Variants in PCDHA5 observed in about 807,000 individuals in gnomAD.
PCDHA5 encodes the protein protocadherin alpha 5, also known as protocadherin alpha-5.
Under a neutral mutation model 61.6 loss-of-function variants are expected in PCDHA5, and 43 were observed. The ratio of observed to expected loss-of-function variants is 0.70; its 90% CI spans 0.55 to 0.90. The LOEUF (loss-of-function observed/expected upper bound fraction) is 0.90. PCDHA5 is among the 40% of genes least tolerant of loss of function. The probability of loss-of-function intolerance (pLI) is 0.00; values close to 1 mark genes in which losing one functional copy is unlikely to be tolerated. For missense variants in PCDHA5, 1,298 were observed against 1,222.7 expected (o/e 1.06, Z -0.92); for synonymous variants, 627 against 543.9 (o/e 1.15, Z -2.13).
At chr5:140,884,446 G>C in intron 1 of PCDHA5, 1 of 1,613,770 alleles carries the variant, frequency 6.2e-7, no homozygotes, top group Non-Finnish European at 8.5e-7. Context: ...GCTCGGCACC[G>C]CCCACCGAGG....
At chr5:140,993,460 TCTCACACACACACA>T (rs1441171729) in intron 3 of PCDHA5, among the ~76,000 whole-genome samples, 1 of 104,506 alleles carries the variant, frequency 9.6e-6, no homozygotes, top group Non-Finnish European at 1.9e-5. Flanking sequence ...CTTCTTTCTT[TCTCACACACACACA>T]CACACACACA....
chr5:140,857,394 A>G, intron 1 of PCDHA5: 1 of 1,598,398 alleles, frequency 6.3e-7, no homozygotes, highest in Non-Finnish European at 8.6e-7. Flanking sequence ...GACGTGAACG[A>G]CAACGCGCCT....
rs573889445 is a variant in PCDHA5 at position 140,855,681 on chromosome 5, A to G, written c.2352+31554A>G. ...AGAAATCACTACTCTGAGAGTCTAC[A>G]TTTAAGAAAACATTGCACGTGGGAT... On this transcript the variant is annotated intron_variant, in intron 1 of 3. Coordinates refer to ENST00000529859, the MANE Select transcript of PCDHA5 (RefSeq NM_018908.3). Among the ~76,000 whole-genome samples the G allele has an allele frequency of 1.4e-4, 21 of 149,936 alleles. 1 individual carries two copies. The highest frequency in any genetic ancestry group is 5.1e-4 in the African/African-American group (21 of 40,902).
At chr5:140,830,063 G>A (rs1554132505) in intron 1 of PCDHA5, 1 of 1,613,704 alleles carries the variant, frequency 6.2e-7, no homozygotes, top group Non-Finnish European at 8.5e-7. Context: ...CGGTGAGCCG[G>A]CGCTGACAGC....
intron 2 of PCDHA5, among the ~76,000 whole-genome samples, chr5:140,980,947 G>T (rs1430215851): frequency 6.6e-6 from 1 of 152,032 alleles, no homozygotes; most frequent in Non-Finnish European, 1.5e-5. Context: ...GCTGGCTCCA[G>T]GATAGTTACA....
chr5:140,876,180 T>C (rs782772220), intron 1 of PCDHA5: 1 of 1,613,982 alleles, frequency 6.2e-7, no homozygotes, highest in South Asian at 1.1e-5. Context: ...TGGATGTGAA[T>C]GACAATGGTC....
In PCDHA5 at chr5:141,010,735, T is replaced by G. The variant is rs192374006; in HGVS notation, c.*798T>G. On this transcript the variant is annotated 3_prime_UTR_variant, in exon 4 of 4. Coordinates refer to ENST00000529859, the MANE Select transcript of PCDHA5 (RefSeq NM_018908.3). ...GTGCTCACTTTATTAAAAATTCTTT[T>G]GCACACAATGTTTATGAAAAGGCCA... The G allele has an allele frequency of 6.5e-6, 1 of 154,174 alleles. No individual in the cohort carries two copies. The highest frequency in any genetic ancestry group is 1.5e-5 in the Non-Finnish European group (1 of 68,224). 9.6% of individuals were successfully genotyped at this position (154,174 alleles called of 1,614,324 possible). A position where few individuals can be genotyped will look rare whatever the true frequency, so the allele number is the denominator to read the frequency against.
At chr5:140,997,329 T>C (rs1030113015) in intron 3 of PCDHA5, among the ~76,000 whole-genome samples, 1 of 152,228 alleles carries the variant, frequency 6.6e-6, no homozygotes, top group African/African-American at 2.4e-5. Context: ...AGTTTTTTCG[T>C]TGTACAAATA....
chr5:140,899,534 T>A (rs2067388979), intron 1 of PCDHA5, among the ~76,000 whole-genome samples: 1 of 152,234 alleles, frequency 6.6e-6, no homozygotes, highest in Non-Finnish European at 1.5e-5. Context: ...TGAAGCCCAC[T>A]TGATCATGGT....
At chr5:140,989,363 T>A (rs2097339689) in intron 3 of PCDHA5, among the ~76,000 whole-genome samples, 1 of 152,158 alleles carries the variant, frequency 6.6e-6, no homozygotes, top group Non-Finnish European at 1.5e-5. Flanking sequence ...GTCACCTGTG[T>A]GACTGAGAGC....
chr5:140,842,542 G>A (rs1432404802), intron 1 of PCDHA5: 6 of 1,608,260 alleles, frequency 3.7e-6, no homozygotes, highest in African/African-American at 1.3e-5. Flanking sequence ...ACTACTCGTT[G>A]GTGCTGGACA....
intron 1 of PCDHA5, chr5:140,856,054 T>G: frequency 6.3e-7 from 1 of 1,586,304 alleles, no homozygotes; most frequent in Non-Finnish European, 8.6e-7. Flanking sequence ...ATAAGATGGT[T>G]TCCAGATGTA....
rs2150240382 is a variant in PCDHA5, at chr5:140,835,640, C to A, written c.2352+11513C>A. On this transcript the variant is annotated intron_variant, in intron 1 of 3. Transcript: ENST00000529859. ...GCGCTCTGGACCGCGAGAGTGTGTC[C>A]GCCTATGAGCTGGTGGTTACCGCGC... The A allele has an allele frequency of 2.4e-5, 38 of 1,613,888 alleles. 2 individuals are homozygous for A. The highest frequency in any genetic ancestry group is 3.2e-5 in the Non-Finnish European group (38 of 1,179,872).
intron 3 of PCDHA5, among the ~76,000 whole-genome samples, chr5:141,001,404 T>A (rs965496882): frequency 1.3e-4 from 20 of 152,072 alleles, no homozygotes; most frequent in African/African-American, 4.8e-4. Context: ...GAACAGGGAG[T>A]ATATTTTTAC....
At chr5:140,969,535 T>C (rs1221394283) in intron 1 of PCDHA5, 27 of 1,341,822 alleles carry the variant, frequency 2.0e-5, no homozygotes, top group Non-Finnish European at 2.5e-5. Flanking sequence ...TTTTTCATTT[T>C]CAGAGGCATG....
intron 1 of PCDHA5, among the ~76,000 whole-genome samples, chr5:140,902,728 C>T (rs1280424808): frequency 6.6e-6 from 1 of 151,858 alleles, no homozygotes; most frequent in Non-Finnish European, 1.5e-5. Flanking sequence ...ACCCTTCCCT[C>T]CAAGTCCCCC....
chr5:140,922,272 G>A (rs547313117), intron 1 of PCDHA5, among the ~76,000 whole-genome samples: 37 of 152,312 alleles, frequency 2.4e-4, no homozygotes, highest in African/African-American at 8.7e-4. Flanking sequence ...ATGAAGATTG[G>A]ACCAAGATAT....
intron 1 of PCDHA5, chr5:140,882,142 G>T: frequency 1.3e-6 from 2 of 1,488,266 alleles, no homozygotes; most frequent in Non-Finnish European, 1.8e-6. Flanking sequence ...AGAAAATATA[G>T]CAGAAAGCGG....
In PCDHA5 at chr5:140,857,002, T is replaced by G. The variant is rs1215860604; in HGVS notation, c.2352+32875T>G. On this transcript the variant is annotated intron_variant, in intron 1 of 3. Transcript: ENST00000529859. ...AGGACAGTAACACTTATGAAATTCATGTAGATGTTACAGATAAGGGAAACC... is the reference window on the plus strand; with the variant it reads ...AGGACAGTAACACTTATGAAATTCAGGTAGATGTTACAGATAAGGGAAACC... 4 of 1,595,276 alleles carry G rather than the reference T, an allele frequency of 2.5e-6. No individual in the cohort carries two copies. In the African/African-American group the frequency reaches 5.4e-5, roughly 22 times the overall value.
Sources: allele counts gnomAD v4.1 joint callset (sites outside exome capture counted in the v4.1 genomes callset), GRCh38; gene constraint gnomAD v4.1.1; transcripts MANE v1.5; gene names NCBI Gene and HGNC (gene_info 2026-07-23, HGNC 2026-07-21).